SERPINA3: variants seen among roughly 807,000 people sequenced by gnomAD.
SERPINA3 encodes serpin family A member 3.
In SERPINA3, 32 loss-of-function variants were observed where a neutral mutation model predicts 26.8. That is an observed-to-expected ratio of 1.20 (90% CI 0.90 to 1.61). The LOEUF is 1.61. SERPINA3 is among the 40% of genes most tolerant of loss of function. The probability of loss-of-function intolerance (pLI) is 0.00; values close to 1 mark genes in which losing one functional copy is unlikely to be tolerated. For synonymous variants in SERPINA3, 252 were observed against 206.4 expected, an observed-to-expected ratio of 1.22 and a Z score of -1.89; for missense variants, 632 against 517.9, an observed-to-expected ratio of 1.22 and a Z score of -2.14.
chr14:94,623,584 G>C, intron 4 of SERPINA3, 27 bp from the exon 5 acceptor site: 1 of 1,608,712 alleles, frequency 6.2e-7, no homozygotes, highest in Non-Finnish European at 8.5e-7. Flanking sequence ...TGTGTTTCCC[G>C]TGTGTAATGT....
intron 3 of SERPINA3, 96 bp downstream of exon 3, chr14:94,619,564 A>G (rs927756147): frequency 1.8e-5 from 26 of 1,477,244 alleles, no homozygotes; most frequent in Non-Finnish European, 2.4e-5. Flanking sequence ...GAACTCATAC[A>G]GGGACAGGTG....
intron 4 of SERPINA3, 98 bp downstream of exon 4, chr14:94,622,589 C>A: frequency 2.2e-6 from 3 of 1,338,346 alleles, no homozygotes; most frequent in South Asian, 1.2e-5. Context: ...TGGGTTAATG[C>A]ACGTGCATTT....
intron 3 of SERPINA3, chr14:94,619,705 C>T (rs1886131866): frequency 5.2e-6 from 3 of 574,680 alleles, no homozygotes; most frequent in Non-Finnish European, 9.4e-6. Flanking sequence ...TGTTCTAAGT[C>T]ATGAGAAATC....
rs1885816468 is a variant in SERPINA3 at position 94,612,467 on chromosome 14, A to C, written c.-9+20A>C. On this transcript the variant is annotated intron_variant, in intron 1 of 4. Transcript: ENST00000393078. ...AGGCAGGTAATCCATGATGTTTTAC[A>C]TCCTGGGAGCGGAGGAATCTGTTTT... 1 of 1,342,004 alleles carries C rather than the reference A, an allele frequency of 7.5e-7. No individual in the cohort carries two copies. The highest frequency in any genetic ancestry group is 1.9e-5 in the Admixed American group (1 of 52,078). The allele number at this position is 1,342,004 out of a possible 1,614,324, so 83.1% of individuals were successfully genotyped here.
chr14:94,616,909 A>T (rs1350910435), intron 2 of SERPINA3, among the ~76,000 whole-genome samples: 1 of 152,116 alleles, frequency 6.6e-6, no homozygotes, highest in Non-Finnish European at 1.5e-5. Context: ...GCAGACAGAA[A>T]TGGGGGGAGA....
chr14:94,616,798 A>G (rs773392557), intron 2 of SERPINA3, among the ~76,000 whole-genome samples: 3 of 152,210 alleles, frequency 2.0e-5, no homozygotes, highest in Non-Finnish European at 4.4e-5. Context: ...CAGAGATCAG[A>G]TACTAAAGAC....
At position 94,614,583 on chromosome 14, in the gene SERPINA3, G is replaced by A. The variant is rs763528043; in HGVS notation, c.142G>A (p.Gly48Arg). ...NQDRGTHVDLGLASANVDFAF... is the reference protein window; with the variant it reads ...NQDRGTHVDLRLASANVDFAF... Reference sequence around the variant, plus strand: ...AGACCGAGGGACACACGTGGACCTCGGATTAGCCTCCGCCAACGTGGACTT... The same window carrying A: ...AGACCGAGGGACACACGTGGACCTCAGATTAGCCTCCGCCAACGTGGACTT... The change falls in exon 2 of 5, where the codon GGA becomes AGA. Residue 48 changes from glycine (G) to arginine (R), a missense_variant. By Grantham distance (125) the Gly-to-Arg change is moderately radical. Transcript: ENST00000393078. The A allele has an allele frequency of 1.6e-5, 26 of 1,614,032 alleles. No homozygotes were observed. The highest frequency in any genetic ancestry group is 2.7e-5 in the African/African-American group (2 of 74,908).
chr14:94,620,263 G>T (rs1208448271), intron 3 of SERPINA3, among the ~76,000 whole-genome samples: 1 of 152,198 alleles, frequency 6.6e-6, no homozygotes, highest in African/African-American at 2.4e-5. Context: ...CCTCTGAGGT[G>T]GAAGTGAGCT....
At chr14:94,612,985 G>C (rs1180384119) in intron 1 of SERPINA3, among the ~76,000 whole-genome samples, 3 of 152,196 alleles carry the variant, frequency 2.0e-5, no homozygotes, top group African/African-American at 7.2e-5. Context: ...GAAACAGCCA[G>C]CCCTCCAACT....
chr14:94,622,227 C>A, intron 3 of SERPINA3, 114 bp from the exon 4 acceptor site: 1 of 917,144 alleles, frequency 1.1e-6, no homozygotes, highest in Non-Finnish European at 1.8e-6. Context: ...TATTTATTTT[C>A]CAATCAGAAG....
At position 94,614,555 on chromosome 14, in the gene SERPINA3, C is replaced by T. The variant is rs760765252; in HGVS notation, c.114C>T (p.Asn38=). ...ACGAGGAGAATCTGACCCAGGAGAA[C>T]CAAGACCGAGGGACACACGTGGACC... ...PLDEENLTQE[N]QDRGTHVDLG... is the part of the protein sequence containing the mutation. Residue 38 remains asparagine, a synonymous_variant, in exon 2 of 5, where the codon AAC becomes AAT. Transcript: ENST00000393078. 1.2e-6 allele frequency: 2 copies of T among 1,614,128 alleles called. No homozygotes were observed. Among genetic ancestry groups the T allele is most frequent in the Non-Finnish European group, 1.7e-6 (2 of 1,180,014 alleles).
intron 4 of SERPINA3, 113 bp from the exon 5 acceptor site, chr14:94,623,498 C>A: frequency 3.1e-6 from 3 of 961,282 alleles, no homozygotes; most frequent in Non-Finnish European, 5.0e-6. Context: ...AGCACAAAGA[C>A]AGGCCAGCAC....
Position 94,615,017 on chromosome 14 carries a change from C to T in SERPINA3, c.576C>T (p.Ile192=), listed in dbSNP as rs1885941567. The T allele has an allele frequency of 6.2e-7, 1 of 1,614,056 alleles. No individual in the cohort carries two copies. The highest frequency in any genetic ancestry group is 8.5e-7 in the Non-Finnish European group (1 of 1,180,048). ...TGAAGAATGGAACTAGGGGGAAAAT[C>T]ACAGATCTGATCAAGGACCTTGACT... ...DYVKNGTRGK[I]TDLIKDLDSQ... is the part of the protein sequence containing the mutation. Residue 192 remains isoleucine, a synonymous_variant, in exon 2 of 5, where the codon ATC becomes ATT. Transcript: ENST00000393078.
intron 2 of SERPINA3, chr14:94,618,916 T>C: frequency 3.7e-6 from 2 of 537,358 alleles, no homozygotes; most frequent in Non-Finnish European, 3.4e-6. Flanking sequence ...CCACTTTCCC[T>C]AAACCTTCTT....
At position 94,619,305 on chromosome 14, in the gene SERPINA3, C is replaced by T. The variant is rs17473; in HGVS notation, c.754C>T (p.Pro252Ser). ...PMMSLHHLTI[P>S]YFRDEELSCT... ...GATGAGTTTGCATCACCTGACTATA[C>T]CTTACTTCCGGGACGAGGAGCTGTC... is the stretch of plus-strand genomic sequence containing the variant. The change falls in exon 3 of 5, where the codon CCT becomes TCT. Residue 252 changes from proline to serine, a missense_variant. Transcript: ENST00000393078. 1 of 1,614,152 alleles carries T rather than the reference C, an allele frequency of 6.2e-7. No homozygotes were observed. Among genetic ancestry groups the T allele is most frequent in the Non-Finnish European group, 8.5e-7 (1 of 1,180,030 alleles).
Position 94,613,398 on chromosome 14 carries a change from G to A in SERPINA3, c.-9+951G>A, listed in dbSNP as rs938261555. 5.3e-5 allele frequency: 8 copies of A among 152,334 alleles called. No homozygotes were observed. The East Asian group carries it at 5.8e-4, about 11-fold the overall frequency. The allele number at this position is 152,334 out of a possible 1,614,324, so 9.4% of individuals were successfully genotyped here. ...AATAATCTTGTTTGCTGCGGTCACCGGCTTGGAACTCAGCCCTTCCAGGGT... is the reference window on the plus strand; with the variant it reads ...AATAATCTTGTTTGCTGCGGTCACCAGCTTGGAACTCAGCCCTTCCAGGGT... On this transcript the variant is annotated intron_variant, in intron 1 of 4. Coordinates refer to ENST00000393078, the MANE Select transcript of SERPINA3 (RefSeq NM_001085.5).
chr14:94,613,593 A>G (rs1312253547), intron 1 of SERPINA3: 1 of 152,200 alleles, frequency 6.6e-6, no homozygotes, highest in African/African-American at 2.4e-5. Context: ...TGAGAGATGT[A>G]CAGTCACCTG....
chr14:94,616,532 G>T (rs906007529), intron 2 of SERPINA3, among the ~76,000 whole-genome samples: 2 of 152,152 alleles, frequency 1.3e-5, no homozygotes, highest in African/African-American at 4.8e-5. Flanking sequence ...ACCCTGGAGT[G>T]CTTGTTCCCT....
Position 94,612,397 on chromosome 14 carries a change from CCAGA to C in SERPINA3, c.-53_-50del. Reference sequence around the variant, plus strand: ...TCAGCATTCATGAAAATCCACTACTCCAGACAGACGGCTTTGGAATCCACCAGCT... The same window carrying C: ...TCAGCATTCATGAAAATCCACTACTCCAGACGGCTTTGGAATCCACCAGCT... On this transcript the variant is annotated 5_prime_UTR_variant, in exon 1 of 5. Coordinates refer to ENST00000393078, the MANE Select transcript of SERPINA3 (RefSeq NM_001085.5). The C allele has an allele frequency of 7.3e-7, 1 of 1,365,876 alleles. No individual in the cohort carries two copies. Among genetic ancestry groups the C allele is most frequent in the Middle Eastern group, 2.1e-4 (1 of 4,768 alleles). 84.6% of individuals were successfully genotyped at this position (1,365,876 alleles called of 1,614,324 possible).
Sources: gnomAD v4.1 joint callset for allele counts (sites outside exome capture counted in the v4.1 genomes callset) on GRCh38, gnomAD v4.1.1 for gene constraint, MANE v1.5 for transcripts, NCBI Gene and HGNC (gene_info 2026-07-23, HGNC 2026-07-21) for gene names.